The following MYLK4 variants were observed in gnomAD, a reference collection of about 807,000 sequenced individuals.
MYLK4 encodes the protein myosin light chain kinase family member 4.
MYLK4 carries 46 observed loss-of-function variants against 48.1 expected under a neutral mutation model. The ratio of observed to expected loss-of-function variants is 0.96; its 90% confidence interval spans 0.75 to 1.22. MYLK4 has a LOEUF of 1.22. Among genes scored for constraint, MYLK4 ranks in the 50% most tolerant of loss-of-function variants. The pLI, the probability that MYLK4 is intolerant of heterozygous loss-of-function variation, is 0.00. For missense variants in MYLK4, 451 were observed against 486.1 expected, an observed-to-expected ratio of 0.93 and a Z score of 0.68; for synonymous variants, 170 against 180.8, an observed-to-expected ratio of 0.94 and a Z score of 0.48.
At chr6:2,694,663 T>C (rs1208116670) in intron 2 of MYLK4, among the ~76,000 whole-genome samples, 1 of 93,194 alleles carries the variant, frequency 1.1e-5, no homozygotes, top group African/African-American at 4.0e-5. Flanking sequence ...GTGATGATGG[T>C]GGTAGTGGTG....
chr6:2,680,624 C>A (rs906005619), intron 7 of MYLK4: 14 of 917,432 alleles, frequency 1.5e-5, no homozygotes, highest in Non-Finnish European at 1.8e-5. Flanking sequence ...TCAGGCCTGA[C>A]ATCTGCCCCT....
intron 2 of MYLK4, chr6:2,744,135 C>T: frequency 3.3e-6 from 1 of 304,758 alleles, no homozygotes; most frequent in Non-Finnish European, 5.5e-6. Flanking sequence ...TTTGCTCTGC[C>T]CTGAGGAGTG....
intron 2 of MYLK4, among the ~76,000 whole-genome samples, chr6:2,722,088 G>T (rs977905646): frequency 2.6e-5 from 4 of 152,214 alleles, no homozygotes; most frequent in Admixed American, 2.0e-4. Flanking sequence ...GACTGTTGGA[G>T]AGTTGAAATC....
At chr6:2,692,474 G>T (rs1761840329) in intron 3 of MYLK4, among the ~76,000 whole-genome samples, 2 of 152,172 alleles carry the variant, frequency 1.3e-5, no homozygotes, top group African/African-American at 4.8e-5. Flanking sequence ...GAGAATGCAG[G>T]TGATCAGTAT....
chr6:2,729,892 G>A (rs912216023), intron 2 of MYLK4, among the ~76,000 whole-genome samples: 31 of 152,188 alleles, frequency 2.0e-4, no homozygotes, highest in Non-Finnish European at 1.0e-4. Context: ...CCACTGGGCC[G>A]AAAGCAACTT....
the MYLK4 span, among the ~76,000 whole-genome samples, chr6:2,762,751 T>G: frequency 1.3e-5 from 2 of 152,182 alleles, no homozygotes; most frequent in African/African-American, 4.8e-5. Context: ...GTTTCTTCTT[T>G]CTGGTAGCTT....
intron 2 of MYLK4, among the ~76,000 whole-genome samples, chr6:2,741,244 C>T (rs1167886221): frequency 2.0e-5 from 3 of 151,864 alleles, no homozygotes; most frequent in Admixed American, 2.0e-4. Context: ...TGGATAGGAT[C>T]GTAGTTTGGG....
At chr6:2,725,561 A>AAGAG (rs1225845227) in intron 2 of MYLK4, among the ~76,000 whole-genome samples, 1 of 138,128 alleles carries the variant, frequency 7.2e-6, no homozygotes, top group Non-Finnish European at 1.6e-5. Flanking sequence ...GAAACAAAGA[A>AAGAG]AGAAAGAAAG....
chr6:2,668,760 T>C (rs981819492), intron 12 of MYLK4, among the ~76,000 whole-genome samples: 2 of 152,176 alleles, frequency 1.3e-5, no homozygotes, highest in Non-Finnish European at 2.9e-5. Context: ...GTTTTATTTA[T>C]TTATTTATTT....
At chr6:2,699,039 G>A (rs7770925) in intron 2 of MYLK4, among the ~76,000 whole-genome samples, 4,319 of 152,106 alleles carry the variant, frequency 0.028, 183 homozygotes, top group African/African-American at 0.097. Context: ...AAATAACCCC[G>A]CCAGGAAAAT....
the MYLK4 span, among the ~76,000 whole-genome samples, chr6:2,767,507 T>G: frequency 5.5e-3 from 834 of 152,360 alleles, 9 homozygotes; most frequent in African/African-American, 0.018. Flanking sequence ...TTTTTGTGCC[T>G]TCTTGTTTGC....
intron 2 of MYLK4, among the ~76,000 whole-genome samples, chr6:2,722,430 T>C (rs1763101911): frequency 6.6e-6 from 1 of 151,858 alleles, no homozygotes; most frequent in Non-Finnish European, 1.5e-5. Context: ...AAAATCACAA[T>C]CATTGAAGCA....
At chr6:2,766,429 G>A in the MYLK4 span, 5 of 1,574,340 alleles carry the variant, frequency 3.2e-6, no homozygotes, top group Middle Eastern at 1.7e-4. Flanking sequence ...TGTGGGGGCC[G>A]CCGGGCTGCG....
intron 8 of MYLK4, 86 bp downstream of exon 8, chr6:2,680,135 G>C (rs1761234805): frequency 2.1e-6 from 3 of 1,415,858 alleles, no homozygotes; most frequent in Admixed American, 4.3e-5. Context: ...TGAAACCAAA[G>C]AGCAGATCAG....
intron 2 of MYLK4, among the ~76,000 whole-genome samples, chr6:2,748,824 G>C (rs1764187266): frequency 6.6e-6 from 1 of 152,180 alleles, no homozygotes; most frequent in Admixed American, 6.5e-5. Flanking sequence ...GCCTCTCAGA[G>C]CCCTTTTCTG....
At chr6:2,693,303 T>C (rs985955613) in intron 2 of MYLK4, among the ~76,000 whole-genome samples, 1 of 152,222 alleles carries the variant, frequency 6.6e-6, no homozygotes, top group Non-Finnish European at 1.5e-5. Flanking sequence ...AGGATGTTAA[T>C]AATGTGTGCA....
intron 3 of MYLK4, 89 bp downstream of exon 3, chr6:2,692,695 A>T (rs1269557616): frequency 2.0e-6 from 2 of 1,020,536 alleles, no homozygotes; most frequent in Non-Finnish European, 2.8e-6. Flanking sequence ...ACAGGGCTTT[A>T]TGAATGTGCA....
At chr6:2,668,745 G>A (rs9632525) in intron 12 of MYLK4, among the ~76,000 whole-genome samples, 71,680 of 151,800 alleles carry the variant, frequency 0.47, 17,234 homozygotes, top group Non-Finnish European at 0.52. Context: ...AAAATCTTAT[G>A]TTAAGTTTTA....
chr6:2,704,834 T>A (rs1473783099), intron 2 of MYLK4, among the ~76,000 whole-genome samples: 1 of 152,234 alleles, frequency 6.6e-6, no homozygotes, highest in Admixed American at 6.5e-5. Flanking sequence ...TCTTTGCATT[T>A]TACTATTAAA....
Sources: gnomAD v4.1 joint callset for allele counts (sites outside exome capture counted in the v4.1 genomes callset) on GRCh38, gnomAD v4.1.1 for gene constraint, MANE v1.5 for transcripts, NCBI Gene and HGNC (gene_info 2026-07-23, HGNC 2026-07-21) for gene names.